MTO1: variants seen among roughly 807,000 people sequenced by gnomAD.
The protein encoded by MTO1 is mitochondrial tRNA translation optimization 1, also known as 5-taurinomethyluridine-[tRNA] synthase subunit MTO1, mitochondrial.
MTO1 carries 46 observed loss-of-function variants against 71.6 expected under a neutral mutation model. The observed-to-expected ratio is 0.64, with a 90% confidence interval of 0.51 to 0.82. The LOEUF is 0.82. Among genes scored for constraint, MTO1 ranks in the 40% least tolerant of loss-of-function variants. The probability of loss-of-function intolerance (pLI) is 0.00; values close to 1 mark genes in which losing one functional copy is unlikely to be tolerated. For missense variants in MTO1, 773 were observed against 867.5 expected (o/e 0.89, Z 1.37); for synonymous variants, 297 against 312.1 (o/e 0.95, Z 0.51).
In MTO1 at chr6:73,463,443, T is replaced by G. The variant is rs563973260; in HGVS notation, c.217+1372T>G. Reference sequence around the variant, plus strand: ...ATGGGTAATGGTTGGATGGCCGTTCTGTAGCATCATGATAGATACTAGCTA... The same window carrying G: ...ATGGGTAATGGTTGGATGGCCGTTCGGTAGCATCATGATAGATACTAGCTA... On this transcript the variant is annotated intron_variant, in intron 1 of 11. Coordinates refer to ENST00000498286, the MANE Select transcript of MTO1 (RefSeq NM_012123.4). Among the ~76,000 whole-genome samples, 21 of 152,322 alleles carry G rather than the reference T, an allele frequency of 1.4e-4. No individual in the cohort carries two copies. In the South Asian group the frequency reaches 2.5e-3, roughly 18 times the overall value.
chr6:73,462,249 A>G lies in MTO1; in HGVS notation c.217+178A>G, dbSNP rs528834303. On this transcript the variant is annotated intron_variant, in intron 1 of 11. Transcript: ENST00000498286. ...ATCAGGCGGGCCAGGCCAGAACTCT[A>G]TATTAGTCTATTCTGCGAACCATAG... 59 of 652,312 alleles carry G rather than the reference A, an allele frequency of 9.0e-5. No individual in the cohort carries two copies. In the East Asian group the frequency reaches 1.5e-3, roughly 16 times the overall value. The allele number at this position is 652,312 out of a possible 1,614,324, so 40.4% of individuals were successfully genotyped here. A position where few individuals can be genotyped will look rare whatever the true frequency, so the allele number is the denominator to read the frequency against.
chr6:73,499,211 GTCA>G (rs1772086346), intron 11 of MTO1, among the ~76,000 whole-genome samples: 1 of 152,054 alleles, frequency 6.6e-6, no homozygotes, highest in Non-Finnish European at 1.5e-5. Context: ...CTTAGCAACA[GTCA>G]TCATGGAAAC....
intron 4 of MTO1, among the ~76,000 whole-genome samples, chr6:73,476,323 G>T (rs1771317315): frequency 6.7e-6 from 1 of 149,412 alleles, no homozygotes; most frequent in Admixed American, 6.8e-5. Context: ...GCAGTTAGCT[G>T]TGATTGTGCC....
At chr6:73,474,217 C>T (rs866146437) in intron 4 of MTO1, among the ~76,000 whole-genome samples, 3 of 151,712 alleles carry the variant, frequency 2.0e-5, no homozygotes, top group Non-Finnish European at 4.4e-5. Flanking sequence ...CTCAGCCTCC[C>T]GAGTATACAG....
intron 9 of MTO1, 113 bp from the exon 10 acceptor site, chr6:73,492,121 A>C: frequency 1.4e-6 from 1 of 719,202 alleles, no homozygotes; most frequent in South Asian, 1.7e-5. Context: ...AAAAAAAAGA[A>C]ATAATCTTTT....
At chr6:73,479,391 A>G (rs1261101460) in intron 4 of MTO1, among the ~76,000 whole-genome samples, 1 of 152,078 alleles carries the variant, frequency 6.6e-6, no homozygotes, top group Non-Finnish European at 1.5e-5. Flanking sequence ...GCTACTTGGG[A>G]GGCTGAGGCA....
At position 73,504,784 on chromosome 6, in the gene MTO1, G is replaced by C. The variant is rs1034423972; in HGVS notation, c.*4049G>C. 1 of 152,138 alleles carries C rather than the reference G, an allele frequency of 6.6e-6. No homozygotes were observed. The highest frequency in any genetic ancestry group is 2.4e-5 in the African/African-American group (1 of 41,420). 9.4% of individuals were successfully genotyped at this position (152,138 alleles called of 1,614,324 possible). ...TACCTGTTGTTCCAGCAACTTGGGG[G>C]CTGAGGCAGGAGAATCACTTGAGCC... On this transcript the variant is annotated 3_prime_UTR_variant, in exon 12 of 12. Transcript: ENST00000498286.
intron 9 of MTO1, among the ~76,000 whole-genome samples, chr6:73,489,863 C>T (rs894955704): frequency 1.3e-5 from 2 of 152,202 alleles, no homozygotes; most frequent in African/African-American, 2.4e-5. Context: ...GGAATCACCA[C>T]ACTGCCTTCC....
At chr6:73,492,377 A>G in intron 10 of MTO1, 25 bp downstream of exon 10, 1 of 1,458,722 alleles carries the variant, frequency 6.9e-7, no homozygotes, top group South Asian at 1.1e-5. Context: ...TTGACTTAAC[A>G]TACCTTTATC....
At chr6:73,470,330 T>C (rs952286776) in intron 3 of MTO1, among the ~76,000 whole-genome samples, 6 of 151,750 alleles carry the variant, frequency 4.0e-5, no homozygotes, top group Non-Finnish European at 7.4e-5. Context: ...CCTCAGCCTC[T>C]CGAGTAGCTG....
chr6:73,496,067 G>A (rs1408426815), intron 10 of MTO1, among the ~76,000 whole-genome samples: 1 of 152,138 alleles, frequency 6.6e-6, no homozygotes, highest in African/African-American at 2.4e-5. Context: ...ACCCTCAGAA[G>A]TCATCTGGGC....
At position 73,493,196 on chromosome 6, in the gene MTO1, A is replaced by C. The variant is rs1044163532; in HGVS notation, c.1756+844A>C. Among the ~76,000 whole-genome samples the C allele has an allele frequency of 3.3e-5, 5 of 151,602 alleles. No homozygotes were observed. In the Admixed American group the frequency reaches 3.3e-4, roughly 10 times the overall value. On this transcript the variant is annotated intron_variant, in intron 10 of 11. Coordinates refer to ENST00000498286, the MANE Select transcript of MTO1 (RefSeq NM_012123.4). Reference sequence around the variant, plus strand: ...TTTTTAGTGTTCACGGGGTTTCACCATGTTGGCCAGGCTGGTCTCGAACTC... The same window carrying C: ...TTTTTAGTGTTCACGGGGTTTCACCCTGTTGGCCAGGCTGGTCTCGAACTC...
Position 73,466,358 on chromosome 6 carries a change from T to C in MTO1, c.367T>C (p.Trp123Arg). ...AAACCGGCGTAAGGGACCAGCTGTGTGGGGTCTGAGAGCTCAGATTGATAG... is the reference window on the plus strand; with the variant it reads ...AAACCGGCGTAAGGGACCAGCTGTGCGGGGTCTGAGAGCTCAGATTGATAG... The part of the protein sequence containing the change: ...VLNRRKGPAV[W>R]GLRAQIDRKL... The change falls in exon 2 of 12, where the codon TGG becomes CGG. Residue 123 changes from tryptophan to arginine, a missense_variant. Coordinates refer to ENST00000498286, the MANE Select transcript of MTO1 (RefSeq NM_012123.4). The C allele has an allele frequency of 6.2e-7, 1 of 1,614,118 alleles. No individual in the cohort carries two copies.
chr6:73,485,584 G>A (rs1039603812), intron 9 of MTO1, among the ~76,000 whole-genome samples: 4 of 151,994 alleles, frequency 2.6e-5, no homozygotes, highest in Non-Finnish European at 4.4e-5. Flanking sequence ...GCCTACAGGC[G>A]CTTGCCACCA....
chr6:73,494,170 G>A (rs923385153), intron 10 of MTO1, among the ~76,000 whole-genome samples: 1 of 152,026 alleles, frequency 6.6e-6, no homozygotes, highest in African/African-American at 2.4e-5. Flanking sequence ...AGGAGACGGA[G>A]GTTGCAGTGA....
chr6:73,465,983 T>TA (rs1651389474), intron 1 of MTO1, among the ~76,000 whole-genome samples: 2 of 151,838 alleles, frequency 1.3e-5, no homozygotes, highest in African/African-American at 2.4e-5. Flanking sequence ...GACTCCATCT[T>TA]AAAAAAAACA....
At chr6:73,476,127 C>T (rs28548420) in intron 4 of MTO1, among the ~76,000 whole-genome samples, 1 of 151,750 alleles carries the variant, frequency 6.6e-6, no homozygotes, top group African/African-American at 2.4e-5. Flanking sequence ...GTTTGGGAGG[C>T]TGAGGCAGGT....
At chr6:73,470,696 A>G (rs1045720437) in intron 3 of MTO1, among the ~76,000 whole-genome samples, 3 of 152,126 alleles carry the variant, frequency 2.0e-5, no homozygotes, top group Non-Finnish European at 4.4e-5. Flanking sequence ...GCTCACACCT[A>G]TAATCCCAGC....
At chr6:73,480,385 C>G in intron 6 of MTO1, 1 of 652,998 alleles carries the variant, frequency 1.5e-6, no homozygotes, top group South Asian at 1.5e-5. Context: ...ATTCTTCTGC[C>G]TCAGCCTCCT....
Sources: allele counts gnomAD v4.1 joint callset (sites outside exome capture counted in the v4.1 genomes callset), GRCh38; gene constraint gnomAD v4.1.1; transcripts MANE v1.5; gene names NCBI Gene and HGNC (gene_info 2026-07-23, HGNC 2026-07-21).